Variants in ODAD2 observed in about 807,000 individuals in gnomAD.
ODAD2 encodes the protein outer dynein arm docking complex subunit 2.
Under a neutral mutation model 106.8 loss-of-function variants are expected in ODAD2, and 89 were observed. That is an observed-to-expected ratio of 0.83 (90% CI 0.70 to 0.99). The LOEUF is 0.99. Among genes scored for constraint, ODAD2 ranks in the 50% least tolerant of loss-of-function variants. The pLI, the probability that ODAD2 is intolerant of heterozygous loss-of-function variation, is 0.00. For synonymous variants in ODAD2, 404 were observed against 436.2 expected, an observed-to-expected ratio of 0.93 and a Z score of 0.92; for missense variants, 1,168 against 1,238.5, an observed-to-expected ratio of 0.94 and a Z score of 0.85.
chr10:27,874,104 T>C (rs1285282216), intron 17 of ODAD2, among the ~76,000 whole-genome samples: 1 of 152,236 alleles, frequency 6.6e-6, no homozygotes, highest in Non-Finnish European at 1.5e-5. Flanking sequence ...CCTTTACCAT[T>C]ATGTAATGGC....
At chr10:27,964,048 C>T (rs1378809933) in intron 9 of ODAD2, among the ~76,000 whole-genome samples, 3 of 152,076 alleles carry the variant, frequency 2.0e-5, no homozygotes, top group African/African-American at 7.2e-5. Flanking sequence ...ATGGTGAAAC[C>T]CTGTCTCTAC....
chr10:27,837,973 G>C (rs778504521), intron 19 of ODAD2, among the ~76,000 whole-genome samples: 1 of 152,014 alleles, frequency 6.6e-6, no homozygotes, highest in South Asian at 2.1e-4. Flanking sequence ...ACCCCACGGC[G>C]ATGGATTGGG....
chr10:27,817,518 G>A (rs1331869904), intron 19 of ODAD2, among the ~76,000 whole-genome samples: 2 of 151,874 alleles, frequency 1.3e-5, no homozygotes, highest in Non-Finnish European at 2.9e-5. Context: ...CCATCTTTTG[G>A]GGTCTCCAAT....
At chr10:27,832,524 CACACACACACAG>C (rs1395256530) in intron 19 of ODAD2, among the ~76,000 whole-genome samples, 1 of 151,760 alleles carries the variant, frequency 6.6e-6, no homozygotes, top group Non-Finnish European at 1.5e-5. Flanking sequence ...ATGTTGTTCA[CACACACACACAG>C]ACACACACAC....
At chr10:27,875,691 A>C (rs537082129) in intron 17 of ODAD2, among the ~76,000 whole-genome samples, 3 of 152,312 alleles carry the variant, frequency 2.0e-5, no homozygotes, top group Middle Eastern at 3.4e-3. Context: ...CTTGTTGGAC[A>C]GTGGCTGCAG....
intron 17 of ODAD2, among the ~76,000 whole-genome samples, chr10:27,864,561 C>T (rs12220060): frequency 5.1e-5 from 6 of 118,618 alleles, no homozygotes; most frequent in African/African-American, 1.4e-4. Context: ...GAGGTGAGAG[C>T]GGGGAGTGAG....
chr10:27,922,542 G>C (rs2133974581), intron 16 of ODAD2, among the ~76,000 whole-genome samples: 1 of 152,226 alleles, frequency 6.6e-6, no homozygotes, highest in Non-Finnish European at 1.5e-5. Context: ...AAGAAAAATA[G>C]AATGATCCTA....
chr10:27,822,637 C>T (rs987461115), intron 19 of ODAD2, among the ~76,000 whole-genome samples: 1 of 152,212 alleles, frequency 6.6e-6, no homozygotes, highest in African/African-American at 2.4e-5. Flanking sequence ...AGACTCTGAG[C>T]CTCGGTAATT....
At chr10:27,929,748 T>C (rs1042375512) in intron 16 of ODAD2, among the ~76,000 whole-genome samples, 1 of 152,176 alleles carries the variant, frequency 6.6e-6, no homozygotes, top group East Asian at 1.9e-4. Flanking sequence ...TTTTAATCAA[T>C]GGCTTGTGTC....
intron 19 of ODAD2, among the ~76,000 whole-genome samples, chr10:27,848,906 G>A (rs1839020049): frequency 1.3e-5 from 2 of 152,144 alleles, no homozygotes; most frequent in South Asian, 2.1e-4. Context: ...GAAACAACAC[G>A]TGCTGGAGAG....
chr10:27,938,946 T>A (rs1487439560), intron 14 of ODAD2, among the ~76,000 whole-genome samples: 1 of 152,150 alleles, frequency 6.6e-6, no homozygotes, highest in Non-Finnish European at 1.5e-5. Flanking sequence ...ACATCTTAAG[T>A]GCATTCCTCT....
chr10:27,958,846 A>G (rs1172786487), intron 10 of ODAD2: 1 of 1,303,776 alleles, frequency 7.7e-7, no homozygotes, highest in East Asian at 5.6e-5. Context: ...ACCCAAGGCC[A>G]TTGAGTAAGC....
intron 7 of ODAD2, among the ~76,000 whole-genome samples, chr10:27,975,458 A>C (rs1211706154): frequency 6.6e-6 from 1 of 152,158 alleles, no homozygotes; most frequent in African/African-American, 2.4e-5. Flanking sequence ...ATGACTACAA[A>C]TTCTACAGAT....
intron 16 of ODAD2, among the ~76,000 whole-genome samples, chr10:27,911,446 A>G (rs760879162): frequency 6.6e-6 from 1 of 152,148 alleles, no homozygotes; most frequent in Non-Finnish European, 1.5e-5. Context: ...ATGAGGACTG[A>G]CTGTATTTTA....
intron 16 of ODAD2, among the ~76,000 whole-genome samples, chr10:27,933,972 G>A (rs1223937391): frequency 1.3e-5 from 2 of 152,114 alleles, no homozygotes; most frequent in African/African-American, 2.4e-5. Flanking sequence ...GAATTCCCAC[G>A]TGTTGTGGGA....
intron 16 of ODAD2, among the ~76,000 whole-genome samples, chr10:27,917,712 C>T (rs910883834): frequency 4.6e-5 from 7 of 151,786 alleles, no homozygotes; most frequent in Admixed American, 1.3e-4. Flanking sequence ...ATAGTCTTTG[C>T]TTTGTTTTTG....
At position 27,944,972 on chromosome 10, in the gene ODAD2, T is replaced by G; in HGVS notation, c.1387-10A>C. ...CTGTTTGATTTCCTCCCTACAAAGA[T>G]GCAATGCCAGAGAAAGGTTAAGGAA... is the stretch of plus-strand genomic sequence containing the variant. On this transcript the variant is annotated splice_polypyrimidine_tract_variant and intron_variant, in intron 10 of 19. Transcript: ENST00000305242. The G allele has an allele frequency of 3.1e-6, 5 of 1,613,748 alleles. No individual in the cohort carries two copies. Among genetic ancestry groups the G allele is most frequent in the Non-Finnish European group, 4.2e-6 (5 of 1,179,736 alleles).
rs111429965 is a variant in ODAD2 at position 27,961,422 on chromosome 10, G to A, written c.1386+146C>T. The A allele has an allele frequency of 1.0e-3, 746 of 728,874 alleles. 10 individuals are homozygous for A. In the South Asian group the frequency reaches 0.01, roughly 10 times the overall value. The allele number at this position is 728,874 out of a possible 1,614,324, so 45.2% of individuals were successfully genotyped here. ...TGCATCCTCAGGGTAATAAGACCTT[G>A]CCCTGCACAAACTTAGATAAAACAA... On this transcript the variant is annotated intron_variant, in intron 10 of 19. Transcript: ENST00000305242.
chr10:27,952,029 C>T (rs1210845021), intron 10 of ODAD2, among the ~76,000 whole-genome samples: 2 of 135,796 alleles, frequency 1.5e-5, no homozygotes, highest in East Asian at 2.2e-4. Flanking sequence ...GAGCCAAGAT[C>T]GTGAAACTGT....
Sources: gnomAD v4.1 joint callset for allele counts (sites outside exome capture counted in the v4.1 genomes callset) on GRCh38, gnomAD v4.1.1 for gene constraint, MANE v1.5 for transcripts, NCBI Gene and HGNC (gene_info 2026-07-23, HGNC 2026-07-21) for gene names.